The following ASIC2 variants were observed in gnomAD, a reference collection of about 807,000 sequenced individuals.
The protein encoded by ASIC2 is acid-sensing ion channel 2.
A neutral mutation model predicts 57.3 loss-of-function variants in ASIC2; 25 were observed. The ratio of observed to expected loss-of-function variants is 0.44; its 90% confidence interval spans 0.32 to 0.61. The LOEUF (loss-of-function observed/expected upper bound fraction) is 0.61. ASIC2 is among the 20% of genes least tolerant of loss of function. ASIC2 has a pLI of 0.06. For synonymous variants in ASIC2, 319 were observed against 307.5 expected, an observed-to-expected ratio of 1.04 and a Z score of -0.39; for missense variants, 641 against 738.1, an observed-to-expected ratio of 0.87 and a Z score of 1.52.
At chr17:33,850,809 G>A (rs1352763072) in intron 1 of ASIC2, among the ~76,000 whole-genome samples, 1 of 151,740 alleles carries the variant, frequency 6.6e-6, no homozygotes, top group Non-Finnish European at 1.5e-5. Context: ...AGGTCATTCG[G>A]TCACTTAATT....
chr17:33,851,702 C>G (rs1913769636), intron 1 of ASIC2, among the ~76,000 whole-genome samples: 2 of 152,196 alleles, frequency 1.3e-5, no homozygotes, highest in Admixed American at 6.5e-5. Context: ...CCTCTACCCT[C>G]TAGACGCCAG....
At chr17:33,692,362 A>T (rs1471312171) in intron 1 of ASIC2, 2 of 152,056 alleles carry the variant, frequency 1.3e-5, no homozygotes, top group African/African-American at 4.8e-5. Flanking sequence ...ATCCTATCCT[A>T]GTTAAAAAAG....
chr17:33,502,202 A>T (rs986079657), intron 1 of ASIC2, among the ~76,000 whole-genome samples: 1 of 152,122 alleles, frequency 6.6e-6, no homozygotes, highest in African/African-American at 2.4e-5. Flanking sequence ...ATTCTCTATA[A>T]AAAGGGGATG....
chr17:33,094,406 G>A (rs544227491), intron 2 of ASIC2, among the ~76,000 whole-genome samples: 12 of 152,204 alleles, frequency 7.9e-5, no homozygotes, highest in African/African-American at 2.6e-4. Flanking sequence ...GGGTGGTAAC[G>A]GCTCTCCCTG....
chr17:33,399,977 G>A (rs1383119483), intron 1 of ASIC2, among the ~76,000 whole-genome samples: 1 of 152,090 alleles, frequency 6.6e-6, no homozygotes, highest in African/African-American at 2.4e-5. Context: ...TCTCTGAGAA[G>A]GTAACAAAAT....
intron 1 of ASIC2, among the ~76,000 whole-genome samples, chr17:33,472,172 A>G (rs532776285): frequency 3.9e-5 from 6 of 152,246 alleles, no homozygotes; most frequent in Admixed American, 3.9e-4. Context: ...GGTGCTCACC[A>G]CCATGCCCAG....
intron 1 of ASIC2, among the ~76,000 whole-genome samples, chr17:33,518,368 G>T (rs1914636411): frequency 6.6e-6 from 1 of 152,194 alleles, no homozygotes. Flanking sequence ...AAGGTTGGTG[G>T]AGTCCCAGCC....
At chr17:33,050,442 A>C (rs1251811914) in intron 3 of ASIC2, among the ~76,000 whole-genome samples, 1 of 152,078 alleles carries the variant, frequency 6.6e-6, no homozygotes, top group Admixed American at 6.5e-5. Flanking sequence ...CAGTGTCTTT[A>C]TTGCATGTAT....
At chr17:33,131,489 G>T (rs1174330974) in intron 1 of ASIC2, 1 of 152,292 alleles carries the variant, frequency 6.6e-6, no homozygotes, top group Non-Finnish European at 1.5e-5. Flanking sequence ...GCCTTGGCTT[G>T]TGACCCTATC....
chr17:33,514,893 A>G (rs893739334), intron 1 of ASIC2, among the ~76,000 whole-genome samples: 1 of 152,144 alleles, frequency 6.6e-6, no homozygotes, highest in African/African-American at 2.4e-5. Flanking sequence ...TTGAGGAGTC[A>G]TCCCGTGTTA....
intron 1 of ASIC2, among the ~76,000 whole-genome samples, chr17:33,650,443 G>A (rs867876810): frequency 6.6e-6 from 1 of 152,092 alleles, no homozygotes. Context: ...CTAAACACAC[G>A]ACTACCATAT....
chr17:33,679,726 C>G (rs1907939946), intron 1 of ASIC2, among the ~76,000 whole-genome samples: 1 of 152,086 alleles, frequency 6.6e-6, no homozygotes, highest in Admixed American at 6.6e-5. Context: ...GAAGAGCAGG[C>G]CAGGCGAAGG....
chr17:33,295,004 GAC>G (rs1905667963), upstream of ASIC2, among the ~76,000 whole-genome samples: 4 of 152,202 alleles, frequency 2.6e-5, no homozygotes, highest in Admixed American at 6.5e-5. Flanking sequence ...GTGACCTAGT[GAC>G]CTCAGTGCAG....
At chr17:33,791,069 T>C (rs1911755397) in intron 1 of ASIC2, among the ~76,000 whole-genome samples, 1 of 152,144 alleles carries the variant, frequency 6.6e-6, no homozygotes, top group Non-Finnish European at 1.5e-5. Context: ...GTGACAGCAC[T>C]GGATGGGACC....
At chr17:33,932,741 AATATATATAT>A (rs1330850946) in intron 1 of ASIC2, 2 of 58,716 alleles carry the variant, frequency 3.4e-5, no homozygotes, top group East Asian at 1.7e-3. Context: ...AAAAAAAAAA[AATATATATAT>A]ATATATATAT....
At chr17:33,854,176 C>T (rs1053545305) in intron 1 of ASIC2, among the ~76,000 whole-genome samples, 6 of 152,124 alleles carry the variant, frequency 3.9e-5, no homozygotes, top group African/African-American at 1.4e-4. Context: ...TAGTTAATGG[C>T]CTAGCATCAA....
intron 1 of ASIC2, among the ~76,000 whole-genome samples, chr17:34,053,303 G>C (rs1908638313): frequency 6.6e-6 from 1 of 152,068 alleles, no homozygotes; most frequent in Admixed American, 6.5e-5. Context: ...CCCTCTAAGA[G>C]CTCCCTGTGC....
At chr17:34,019,358 AAAATGCAGTC>A (rs1907076414) in intron 1 of ASIC2, among the ~76,000 whole-genome samples, 1 of 152,230 alleles carries the variant, frequency 6.6e-6, no homozygotes, top group Non-Finnish European at 1.5e-5. Context: ...TACTGTGGGT[AAAATGCAGTC>A]AAACAGCATC....
At chr17:33,364,129 G>T (rs1156475210) in intron 1 of ASIC2, among the ~76,000 whole-genome samples, 1 of 152,148 alleles carries the variant, frequency 6.6e-6, no homozygotes, top group African/African-American at 2.4e-5. Flanking sequence ...GTCACAAGTG[G>T]AACTCATAGT....
Sources: allele counts gnomAD v4.1 joint callset (sites outside exome capture counted in the v4.1 genomes callset), GRCh38; gene constraint gnomAD v4.1.1; transcripts MANE v1.5; gene names NCBI Gene and HGNC (gene_info 2026-07-23, HGNC 2026-07-21).